KMT2A: variants seen among roughly 807,000 people sequenced by gnomAD.
The protein encoded by KMT2A is lysine methyltransferase 2A, also known as histone-lysine N-methyltransferase 2A.
KMT2A carries 16 observed loss-of-function variants against 345.3 expected under a neutral mutation model. The observed-to-expected ratio is 0.05, with a 90% CI of 0.03 to 0.07. KMT2A has a LOEUF of 0.07. Ranked by LOEUF, KMT2A falls within the 10% of genes least tolerant of loss-of-function variation. KMT2A has a pLI of 1.00. For missense variants in KMT2A, 3,272 were observed against 4,841.6 expected, an observed-to-expected ratio of 0.68 and a Z score of 9.62; for synonymous variants, 1,599 against 1,778.6, an observed-to-expected ratio of 0.90 and a Z score of 2.54.
intron 28 of KMT2A, among the ~76,000 whole-genome samples, chr11:118,507,944 T>A (rs553171834): frequency 2.0e-5 from 3 of 152,100 alleles, no homozygotes; most frequent in African/African-American, 7.2e-5. Flanking sequence ...GCCTGGGCGA[T>A]AGAGCAAGAC....
chr11:118,452,513 C>G (rs928600550), intron 1 of KMT2A, among the ~76,000 whole-genome samples: 1 of 152,102 alleles, frequency 6.6e-6, no homozygotes, highest in African/African-American at 2.4e-5. Context: ...GCCTGGGCGA[C>G]AGAATAAGAC....
rs1950358918 is a variant in KMT2A at position 118,493,628 on chromosome 11, A to C, written c.5178+398A>C. On this transcript the variant is annotated intron_variant, in intron 16 of 35. Transcript: ENST00000534358. The surrounding 1 kb of genome is among the most constrained non-coding windows in gnomAD (Gnocchi z 5.8). ...TTCATTTGTAGATAGATGCCTGTTA[A>C]TTTTATGATTTTAAGTATGTATAGG... Among the ~76,000 whole-genome samples the C allele has an allele frequency of 2.0e-5, 3 of 152,108 alleles. No individual in the cohort carries two copies. Among genetic ancestry groups the C allele is most frequent in the African/African-American group, 7.2e-5 (3 of 41,408 alleles).
Position 118,505,584 on chromosome 11 carries a change from C to T in KMT2A, c.9692C>T (p.Thr3231Ile), listed in dbSNP as rs2134407234. Residue 3231 changes from threonine (T) to isoleucine (I), a missense_variant, in exon 27 of 36, where the codon ACC becomes ATC. Coordinates refer to ENST00000534358, the MANE Select transcript of KMT2A (RefSeq NM_001197104.2). This position sits in a 1 kb window ranked among gnomAD's most constrained non-coding sequence, Gnocchi z 4.6. ...AAAAGACCCATATCTCGTCTACAGA[C>T]CCGAAAGAATAAAAAACTTGCTCCC... ...LKKRPISRLQ[T>I]RKNKKLAPSS... 6.2e-7 allele frequency: 1 copy of T among 1,614,078 alleles called. No homozygotes were observed.
intron 1 of KMT2A, among the ~76,000 whole-genome samples, chr11:118,468,297 A>G (rs994187864): frequency 2.0e-5 from 3 of 152,234 alleles, no homozygotes; most frequent in African/African-American, 7.2e-5. Context: ...ACTGACAATT[A>G]TGGCACTTTC....
chr11:118,439,463 T>G (rs1555139649), intron 1 of KMT2A, among the ~76,000 whole-genome samples: 1 of 152,224 alleles, frequency 6.6e-6, no homozygotes, highest in African/African-American at 2.4e-5. Context: ...AAGAGACTGG[T>G]TAGAAAGAGA....
chr11:118,438,661 G>A (rs1949250673), intron 1 of KMT2A, among the ~76,000 whole-genome samples: 1 of 152,134 alleles, frequency 6.6e-6, no homozygotes. Flanking sequence ...TAGATTTACG[G>A]AAAGATCCTG....
chr11:118,517,010 G>A (rs1296835012), intron 31 of KMT2A, among the ~76,000 whole-genome samples: 1 of 151,888 alleles, frequency 6.6e-6, no homozygotes, highest in Non-Finnish European at 1.5e-5. Context: ...TATGTAGTAT[G>A]TTTTTCAATG....
At chr11:118,462,589 C>T (rs536283415) in intron 1 of KMT2A, among the ~76,000 whole-genome samples, 5 of 152,160 alleles carry the variant, frequency 3.3e-5, no homozygotes, top group African/African-American at 4.8e-5. Context: ...GACAGAGTCT[C>T]GCTCTGTCGC....
Position 118,491,479 on chromosome 11 carries a change from CT to C in KMT2A, c.4819+163del, listed in dbSNP as rs1426101242. On this transcript the variant is annotated intron_variant, in intron 14 of 35. Transcript: ENST00000534358. The surrounding 1 kb of genome is among the most constrained non-coding windows in gnomAD (Gnocchi z 4.2). ...AGCAGCATTGTATTATTTGTGCTCA[CT>C]TATCTTGAATATATGCCTTTAAAGT... Among the ~76,000 whole-genome samples the C allele has an allele frequency of 2.0e-5, 3 of 152,150 alleles. No individual in the cohort carries two copies. The highest frequency in any genetic ancestry group is 4.4e-5 in the Non-Finnish European group (3 of 68,026).
chr11:118,493,569 C>G lies in KMT2A; in HGVS notation c.5178+339C>G, dbSNP rs1238607899. 6.6e-6 allele frequency among the ~76,000 whole-genome samples: 1 copy of G among 152,150 alleles called. No homozygotes were observed. Among genetic ancestry groups the G allele is most frequent in the African/African-American group, 2.4e-5 (1 of 41,424 alleles). On this transcript the variant is annotated intron_variant, in intron 16 of 35. Coordinates refer to ENST00000534358, the MANE Select transcript of KMT2A (RefSeq NM_001197104.2). The surrounding 1 kb of genome is among the most constrained non-coding windows in gnomAD (Gnocchi z 5.8). Reference sequence around the variant, plus strand: ...TTGGTTCTCCCTCCCCTTTTGAGATCAGATCTGAATAATGTGCCTTTCTTT... The same window carrying G: ...TTGGTTCTCCCTCCCCTTTTGAGATGAGATCTGAATAATGTGCCTTTCTTT...
At position 118,504,931 on chromosome 11, in the gene KMT2A, T is replaced by C; in HGVS notation, c.9039T>C (p.Gly3013=). The C allele has an allele frequency of 6.2e-7, 1 of 1,614,200 alleles. No homozygotes were observed. The highest frequency in any genetic ancestry group is 8.5e-7 in the Non-Finnish European group (1 of 1,180,032). Residue 3013 remains glycine, a synonymous_variant, in exon 27 of 36, where the codon GGT becomes GGC. Coordinates refer to ENST00000534358, the MANE Select transcript of KMT2A (RefSeq NM_001197104.2). The surrounding 1 kb of genome is among the most constrained non-coding windows in gnomAD (Gnocchi z 6.4). ...DADHISSPPC[G]SVEQGHGNNQ... is the part of the protein sequence containing the mutation. Reference sequence around the variant, plus strand: ...ACCACATCTCTAGCCCTCCTTGTGGTTCAGTAGAGCAAGGTCATGGCAACA... The same window carrying C: ...ACCACATCTCTAGCCCTCCTTGTGGCTCAGTAGAGCAAGGTCATGGCAACA...
In KMT2A at chr11:118,489,906, G is replaced by A. The variant is rs1302119721; in HGVS notation, c.4575+19G>A. The A allele has an allele frequency of 6.3e-7, 1 of 1,599,320 alleles. No homozygotes were observed. Among genetic ancestry groups the A allele is most frequent in the Admixed American group, 1.7e-5 (1 of 59,944 alleles). On this transcript the variant is annotated intron_variant, in intron 12 of 35. Transcript: ENST00000534358. ...AGTCTGGGTGAGTTATACACATGAT[G>A]CTCTTTTATAGAGAACCACCATGTG...
chr11:118,460,235 T>C (rs368968210), intron 1 of KMT2A, among the ~76,000 whole-genome samples: 1 of 152,344 alleles, frequency 6.6e-6, no homozygotes, highest in African/African-American at 2.4e-5. Context: ...TTTGGAAGAA[T>C]TTTGAAATTT....
At chr11:118,482,338 T>C (rs1950149280) in intron 7 of KMT2A, 84 bp from the exon 8 acceptor site, 7 of 986,580 alleles carry the variant, frequency 7.1e-6, no homozygotes, top group Admixed American at 5.8e-5. Flanking sequence ...TTTTTTTTTT[T>C]CTAATGGCCC....
chr11:118,475,334 T>A (rs1216495616), intron 3 of KMT2A, among the ~76,000 whole-genome samples: 1 of 152,184 alleles, frequency 6.6e-6, no homozygotes, highest in South Asian at 2.1e-4. Flanking sequence ...GAAAAGTTGC[T>A]GATCTTTAGG....
intron 1 of KMT2A, among the ~76,000 whole-genome samples, chr11:118,464,650 A>G (rs1949808448): frequency 6.6e-6 from 1 of 152,160 alleles, no homozygotes; most frequent in South Asian, 2.1e-4. Flanking sequence ...TGGAAATTTT[A>G]AACAAGTGGC....
chr11:118,464,125 C>T (rs952961378), intron 1 of KMT2A, among the ~76,000 whole-genome samples: 9 of 152,070 alleles, frequency 5.9e-5, no homozygotes, highest in African/African-American at 2.2e-4. Flanking sequence ...GTCCAGTTTG[C>T]AAGGAAAAAA....
At chr11:118,481,655 C>A in intron 6 of KMT2A, 60 bp from the exon 7 acceptor site, 2 of 1,514,648 alleles carry the variant, frequency 1.3e-6, no homozygotes, top group Non-Finnish European at 1.8e-6. Context: ...CTCTGTAATT[C>A]TATTTTAAAT....
intron 1 of KMT2A, among the ~76,000 whole-genome samples, chr11:118,462,458 G>T (rs1371383496): frequency 1.3e-5 from 2 of 152,130 alleles, no homozygotes; most frequent in Non-Finnish European, 2.9e-5. Context: ...TAAACAATGG[G>T]TACTTATTTT....
Sources: gnomAD v4.1 joint callset for allele counts (sites outside exome capture counted in the v4.1 genomes callset) on GRCh38, gnomAD v4.1.1 for gene constraint, Gnocchi (gnomAD v3.1) non-coding constraint, MANE v1.5 for transcripts, NCBI Gene and HGNC (gene_info 2026-07-23, HGNC 2026-07-21) for gene names.